DLGAP1: variants seen among roughly 807,000 people sequenced by gnomAD.
DLGAP1 encodes disks large-associated protein 1.
A neutral mutation model predicts 90.8 loss-of-function variants in DLGAP1; 11 were observed. That is an observed-to-expected ratio of 0.12 (90% confidence interval 0.08 to 0.20). The LOEUF is 0.20. DLGAP1 is among the 10% of genes least tolerant of loss of function. The pLI is 1.00. For missense variants in DLGAP1, 1,050 were observed against 1,333.8 expected (o/e 0.79, Z 3.31); for synonymous variants, 558 against 540.7 (o/e 1.03, Z -0.44).
intron 1 of DLGAP1, among the ~76,000 whole-genome samples, chr18:4,377,733 T>A (rs1365309935): frequency 1.3e-5 from 2 of 152,068 alleles, no homozygotes; most frequent in Non-Finnish European, 2.9e-5. Context: ...AAATTCTTAA[T>A]AAAAATGGTG....
At chr18:3,607,670 T>A (rs1451842787) in intron 7 of DLGAP1, 6 of 152,202 alleles carry the variant, frequency 3.9e-5, no homozygotes, top group African/African-American at 1.4e-4. Flanking sequence ...TGGCTGCTTA[T>A]CATTTCCAGA....
chr18:4,288,484 C>T (rs1468753855), intron 1 of DLGAP1, among the ~76,000 whole-genome samples: 1 of 152,100 alleles, frequency 6.6e-6, no homozygotes, highest in Non-Finnish European at 1.5e-5. Context: ...TACCTGGTTC[C>T]ATGATTGTTA....
intron 1 of DLGAP1, chr18:4,293,706 C>T (rs895972817): frequency 2.0e-5 from 3 of 152,112 alleles, no homozygotes; most frequent in South Asian, 2.1e-4. Context: ...GAATCTTTAT[C>T]GCATTTAAAA....
intron 7 of DLGAP1, among the ~76,000 whole-genome samples, chr18:3,584,042 C>T (rs1450109302): frequency 2.0e-5 from 3 of 152,140 alleles, no homozygotes; most frequent in Admixed American, 6.5e-5. Flanking sequence ...CGACAGCAGC[C>T]TCAGCCCCTC....
chr18:3,584,748 C>A (rs1489284679), intron 7 of DLGAP1, among the ~76,000 whole-genome samples: 2 of 152,022 alleles, frequency 1.3e-5, no homozygotes, highest in African/African-American at 4.8e-5. Context: ...ATGAAACACA[C>A]AACTTCATCT....
At chr18:3,702,692 A>G (rs1366270242) in intron 7 of DLGAP1, among the ~76,000 whole-genome samples, 1 of 152,222 alleles carries the variant, frequency 6.6e-6, no homozygotes, top group Non-Finnish European at 1.5e-5. Context: ...GAAGACTTTA[A>G]GTAAATCTCT....
At chr18:3,616,421 A>G (rs1231956088) in intron 7 of DLGAP1, among the ~76,000 whole-genome samples, 7 of 152,238 alleles carry the variant, frequency 4.6e-5, no homozygotes, top group South Asian at 4.1e-4. Context: ...TAGTTTGCCA[A>G]TCTGTGCTCT....
At chr18:3,693,344 T>C (rs1364660999) in intron 7 of DLGAP1, among the ~76,000 whole-genome samples, 1 of 152,170 alleles carries the variant, frequency 6.6e-6, no homozygotes, top group Non-Finnish European at 1.5e-5. Flanking sequence ...CATCTCAACC[T>C]GCCAGCCTCC....
At chr18:3,595,116 G>A (rs1221123499) in intron 7 of DLGAP1, among the ~76,000 whole-genome samples, 1 of 152,202 alleles carries the variant, frequency 6.6e-6, no homozygotes, top group Non-Finnish European at 1.5e-5. Context: ...CTCTCTCTGC[G>A]TTAGAGGAAT....
chr18:3,515,949 T>TCC (rs1417156367), intron 10 of DLGAP1, among the ~76,000 whole-genome samples: 7 of 152,218 alleles, frequency 4.6e-5, no homozygotes, highest in African/African-American at 1.2e-4. Context: ...GGCTCATCCA[T>TCC]AAGAAGTAAC....
chr18:4,148,597 T>G (rs1412996494), intron 2 of DLGAP1, among the ~76,000 whole-genome samples: 2 of 152,186 alleles, frequency 1.3e-5, no homozygotes, highest in Non-Finnish European at 2.9e-5. Context: ...TTGCATGTCG[T>G]GGATCCTCTT....
At chr18:3,724,577 C>G (rs1270140879) in intron 7 of DLGAP1, among the ~76,000 whole-genome samples, 1 of 151,704 alleles carries the variant, frequency 6.6e-6, no homozygotes, top group African/African-American at 2.4e-5. Context: ...AACCCCATCT[C>G]TACCAAAAAT....
At chr18:4,406,135 A>T (rs1411683367) in intron 1 of DLGAP1, among the ~76,000 whole-genome samples, 1 of 152,186 alleles carries the variant, frequency 6.6e-6, no homozygotes, top group East Asian at 1.9e-4. Flanking sequence ...ATTGGTTGTG[A>T]GAGGGGACCA....
At chr18:4,292,145 T>C (rs1216970812) in intron 1 of DLGAP1, among the ~76,000 whole-genome samples, 4 of 152,158 alleles carry the variant, frequency 2.6e-5, no homozygotes, top group African/African-American at 7.2e-5. Flanking sequence ...ATGAACTCAA[T>C]TGTTCAAAAT....
At chr18:3,656,815 C>T (rs7243728) in intron 7 of DLGAP1, among the ~76,000 whole-genome samples, 28,609 of 151,650 alleles carry the variant, frequency 0.19, 6,611 homozygotes, top group African/African-American at 0.55. Context: ...TCTTGGATCT[C>T]GGCTCACTGC....
chr18:3,852,005 C>G (rs1348011248), intron 4 of DLGAP1, among the ~76,000 whole-genome samples: 2 of 151,254 alleles, frequency 1.3e-5, no homozygotes, highest in Non-Finnish European at 1.5e-5. Flanking sequence ...TATACAGAGG[C>G]AAAAAAGATA....
chr18:4,311,088 A>T (rs2080387181), intron 1 of DLGAP1, among the ~76,000 whole-genome samples: 2 of 152,324 alleles, frequency 1.3e-5, no homozygotes, highest in Middle Eastern at 3.4e-3. Flanking sequence ...AACTAAAAAA[A>T]TTCTGCAGCA....
At chr18:4,446,439 AAGC>A (rs139464015) in intron 1 of DLGAP1, among the ~76,000 whole-genome samples, 6,539 of 151,324 alleles carry the variant, frequency 0.043, 472 homozygotes, top group African/African-American at 0.15. Flanking sequence ...TTGTGAAGTC[AAGC>A]AGCAGCAGCA....
chr18:3,524,483 A>C (rs1216559749), intron 10 of DLGAP1, among the ~76,000 whole-genome samples: 1 of 152,184 alleles, frequency 6.6e-6, no homozygotes, highest in African/African-American at 2.4e-5. Flanking sequence ...AAAAGTAACT[A>C]TGTGAGATGA....
Sources: gnomAD v4.1 joint callset for allele counts (sites outside exome capture counted in the v4.1 genomes callset) on GRCh38, gnomAD v4.1.1 for gene constraint, MANE v1.5 for transcripts, NCBI Gene and HGNC (gene_info 2026-07-23, HGNC 2026-07-21) for gene names.